The following ATP6V0D1 variants were observed in gnomAD, a reference collection of about 807,000 sequenced individuals.
The protein encoded by ATP6V0D1 is ATPase H+ transporting V0 subunit d1.
In ATP6V0D1, 13 loss-of-function variants were observed where a neutral mutation model predicts 39.0. That is an observed-to-expected ratio of 0.33 (90% confidence interval 0.22 to 0.53). The LOEUF (loss-of-function observed/expected upper bound fraction) is 0.53, where lower values mean the gene tolerates loss of function less well. Ranked by LOEUF, ATP6V0D1 falls within the 20% of genes least tolerant of loss-of-function variation. The pLI, the probability that ATP6V0D1 is intolerant of heterozygous loss-of-function variation, is 0.94. For missense variants in ATP6V0D1, 272 were observed against 470.9 expected, an observed-to-expected ratio of 0.58 and a Z score of 3.91; for synonymous variants, 191 against 191.2, an observed-to-expected ratio of 1.00 and a Z score of 0.01.
intron 1 of ATP6V0D1, among the ~76,000 whole-genome samples, chr16:67,458,373 C>T (rs1280758334): frequency 6.6e-6 from 1 of 152,182 alleles, no homozygotes; most frequent in Non-Finnish European, 1.5e-5. Context: ...ACCTGGCCAC[C>T]CAGCCCTGGC....
rs1245010185 is a variant in ATP6V0D1 at position 67,444,763 on chromosome 16, G to A, written c.303-57C>T. The stretch of plus-strand genomic sequence containing the variant: ...TCAAGGTGGGGGCCGGGAAGTCCTG[G>A]CATAGCACCATGCCCTCGCCCGCCT... On this transcript the variant is annotated intron_variant, in intron 2 of 7. Coordinates refer to ENST00000290949, the MANE Select transcript of ATP6V0D1 (RefSeq NM_004691.5). The surrounding 1 kb of genome is among the most constrained non-coding windows in gnomAD (Gnocchi z 4.8). 1.3e-6 allele frequency: 2 copies of A among 1,484,772 alleles called. No individual in the cohort carries two copies. The highest frequency in any genetic ancestry group is 2.8e-5 in the African/African-American group (2 of 72,318). The allele number at this position is 1,484,772 out of a possible 1,614,324, so 92.0% of individuals were successfully genotyped here. A position where few individuals can be genotyped will look rare whatever the true frequency, so the allele number is the denominator to read the frequency against.
chr16:67,439,678 T>G (rs72650142), intron 4 of ATP6V0D1: 37 of 384,898 alleles, frequency 9.6e-5, no homozygotes, highest in African/African-American at 7.2e-4. Context: ...CCTGCTGCTC[T>G]GCCTTCCTTT....
intron 1 of ATP6V0D1, among the ~76,000 whole-genome samples, chr16:67,477,839 A>AT (rs939992166): frequency 1.6e-4 from 24 of 151,942 alleles, no homozygotes; most frequent in African/African-American, 5.8e-4. Context: ...CACAAGGCTA[A>AT]TTTTTTTGTA....
chr16:67,450,374 C>A (rs534198967), intron 2 of ATP6V0D1, among the ~76,000 whole-genome samples: 3 of 152,202 alleles, frequency 2.0e-5, no homozygotes, highest in South Asian at 4.1e-4. Flanking sequence ...AATCGTGAGC[C>A]CCAGCCTGGG....
chr16:67,444,473 G>T lies in ATP6V0D1; in HGVS notation c.481+55C>A. The T allele has an allele frequency of 6.5e-7, 1 of 1,534,194 alleles. No homozygotes were observed. Among genetic ancestry groups the T allele is most frequent in the Non-Finnish European group, 8.8e-7 (1 of 1,132,116 alleles). ...CCAGCGGGTCCACAAACCCCACCCT[G>T]ATGCGCTGATGCTGACACCACTGCC... On this transcript the variant is annotated intron_variant, in intron 3 of 7. Coordinates refer to ENST00000290949, the MANE Select transcript of ATP6V0D1 (RefSeq NM_004691.5). The surrounding 1 kb of genome is among the most constrained non-coding windows in gnomAD (Gnocchi z 4.8).
chr16:67,474,805 T>C (rs2142334793), intron 1 of ATP6V0D1, among the ~76,000 whole-genome samples: 1 of 152,254 alleles, frequency 6.6e-6, no homozygotes, highest in African/African-American at 2.4e-5. Context: ...GGCTCACAGA[T>C]CCCTCAATTT....
chr16:67,450,560 C>T (rs183137531), intron 2 of ATP6V0D1, among the ~76,000 whole-genome samples: 615 of 152,122 alleles, frequency 4.0e-3, no homozygotes, highest in Admixed American at 8.2e-3. Context: ...GTGGACACCG[C>T]AGAGTGGTCA....
At chr16:67,476,800 C>T (rs2041418083) in intron 1 of ATP6V0D1, among the ~76,000 whole-genome samples, 1 of 152,012 alleles carries the variant, frequency 6.6e-6, no homozygotes, top group Non-Finnish European at 1.5e-5. Flanking sequence ...CTTTGGGAGG[C>T]TGAGGTGGGT....
At position 67,453,771 on chromosome 16, in the gene ATP6V0D1, C is replaced by T; in HGVS notation, c.131-56G>A. 6.4e-7 allele frequency: 1 copy of T among 1,566,680 alleles called. No homozygotes were observed. On this transcript the variant is annotated intron_variant, in intron 1 of 7. Transcript: ENST00000290949. The surrounding 1 kb of genome is among the most constrained non-coding windows in gnomAD (Gnocchi z 4.1). ...GCCTTGCTGGGCCTCCCCAAGGGTC[C>T]CAAGTCCCCATCCCCACCCCAACTC...
rs2041469525 is a variant in ATP6V0D1, at chr16:67,480,969, C to T, written c.118G>A (p.Glu40Lys). The change falls in exon 1 of 8, where the codon GAG becomes AAG. Residue 40 changes from glutamate to lysine, a missense_variant. Physicochemically the swap from Glu to Lys is moderately conservative, Grantham distance 56 (BLOSUM62 1). Around this residue, in one of 4 missense-constraint regions of ATP6V0D1, gnomAD observed 81 missense variants for 96.0 expected, o/e 0.84. Transcript: ENST00000290949. ...QADYLNLVQC[E>K]TLEDLKLHLQ... is the part of the protein sequence containing the mutation. ...GGCCCCGGCTCACCCTCTAGCGTCT[C>T]GCACTGCACCAGGTTGAGGTAGTCG... 5.0e-6 allele frequency: 8 copies of T among 1,614,098 alleles called. No homozygotes were observed. Among genetic ancestry groups the T allele is most frequent in the Non-Finnish European group, 6.8e-6 (8 of 1,179,980 alleles).
Position 67,469,232 on chromosome 16 carries a change from T to A in ATP6V0D1, c.130+11725A>T, listed in dbSNP as rs564800031. Among the ~76,000 whole-genome samples, 4 of 152,302 alleles carry A rather than the reference T, an allele frequency of 2.6e-5. No homozygotes were observed. In the South Asian group the frequency reaches 6.2e-4, roughly 24 times the overall value. ...CTGAGGCAGGAGGATCGTTTCAACCTGGGAGGCGGAGGTTGCAGTGAGCCG... is the reference window on the plus strand; with the variant it reads ...CTGAGGCAGGAGGATCGTTTCAACCAGGGAGGCGGAGGTTGCAGTGAGCCG... On this transcript the variant is annotated intron_variant, in intron 1 of 7. Transcript: ENST00000290949.
rs192728178 is a variant in ATP6V0D1, at chr16:67,452,760, A to T, written c.302+784T>A. ...ACATCCCTGCAAAGGGACCCTCCCT[A>T]CCTCCCTGTGCAGTCCAGGTGCCCT... On this transcript the variant is annotated intron_variant, in intron 2 of 7. Coordinates refer to ENST00000290949, the MANE Select transcript of ATP6V0D1 (RefSeq NM_004691.5). 4.6e-5 allele frequency among the ~76,000 whole-genome samples: 7 copies of T among 151,982 alleles called. No individual in the cohort carries two copies. In the East Asian group the frequency reaches 1.4e-3, roughly 29 times the overall value.
intron 2 of ATP6V0D1, chr16:67,452,342 C>A: frequency 3.9e-6 from 6 of 1,535,730 alleles, no homozygotes; most frequent in Non-Finnish European, 5.2e-6. Context: ...CTTCAGGTGT[C>A]CCAGCCTCTG....
chr16:67,479,972 G>A (rs2041452272), intron 1 of ATP6V0D1, among the ~76,000 whole-genome samples: 1 of 108,734 alleles, frequency 9.2e-6, no homozygotes, highest in Non-Finnish European at 1.6e-5. Context: ...GGCCGAGGCG[G>A]GCGGATCACG....
At chr16:67,452,069 A>G (rs922696085) in intron 2 of ATP6V0D1, among the ~76,000 whole-genome samples, 4 of 152,272 alleles carry the variant, frequency 2.6e-5, no homozygotes, top group Non-Finnish European at 5.9e-5. Context: ...CTAGCAATAA[A>G]TGTACTGCTT....
Position 67,480,994 on chromosome 16 carries a change from G to C in ATP6V0D1, c.93C>G (p.Ala31=). 1 of 1,614,160 alleles carries C rather than the reference G, an allele frequency of 6.2e-7. No individual in the cohort carries two copies. Among genetic ancestry groups the C allele is most frequent in the Non-Finnish European group, 8.5e-7 (1 of 1,179,998 alleles). The change falls in exon 1 of 8, where the codon GCC becomes GCG. Residue 31 remains alanine, a synonymous_variant. Transcript: ENST00000290949. ...CGCACTGCACCAGGTTGAGGTAGTC[G>C]GCCTGGCTGAGCACCCCGGCCTTCA... is the stretch of plus-strand genomic sequence containing the variant. The part of the protein sequence containing the change: ...RGLKAGVLSQ[A]DYLNLVQCET...
At chr16:67,448,154 A>G (rs1406232434) in intron 2 of ATP6V0D1, among the ~76,000 whole-genome samples, 1 of 152,070 alleles carries the variant, frequency 6.6e-6, no homozygotes, top group African/African-American at 2.4e-5. Flanking sequence ...GTTTGAGGCC[A>G]GCCTGGGCAA....
rs2041098478 is a variant in ATP6V0D1, at chr16:67,444,999, G to T, written c.303-293C>A. Among the ~76,000 whole-genome samples the T allele has an allele frequency of 6.6e-6, 1 of 152,208 alleles. No homozygotes were observed. Among genetic ancestry groups the T allele is most frequent in the Admixed American group, 6.5e-5 (1 of 15,282 alleles). ...ACACGAGCTAACTACCCCACAGCAT[G>T]AACAGTGTTCTAACAGGACACAGGA... On this transcript the variant is annotated intron_variant, in intron 2 of 7. Transcript: ENST00000290949. This position sits in a 1 kb window ranked among gnomAD's most constrained non-coding sequence, Gnocchi z 4.8.
chr16:67,466,237 T>C (rs1179359723), intron 1 of ATP6V0D1, among the ~76,000 whole-genome samples: 2 of 150,980 alleles, frequency 1.3e-5, no homozygotes, highest in African/African-American at 4.9e-5. Flanking sequence ...TCCCAGCACT[T>C]TGGGAGGCCA....
Sources: allele counts gnomAD v4.1 joint callset (sites outside exome capture counted in the v4.1 genomes callset), GRCh38; gene constraint gnomAD v4.1.1; regional missense constraint gnomAD v4.1.1; non-coding constraint Gnocchi (gnomAD v3.1); transcripts MANE v1.5; gene names NCBI Gene and HGNC (gene_info 2026-07-23, HGNC 2026-07-21).